MSANTD7: variants seen among roughly 807,000 people sequenced by gnomAD.
MSANTD7 encodes zinc finger and SCAN domain containing 29.
chr10:14,843,949 C>T, the MSANTD7 span: 1 of 1,522,250 alleles, frequency 6.6e-7, no homozygotes, highest in Non-Finnish European at 8.8e-7. Context: ...AGTTCCCAAA[C>T]CTGCCTTCTG....
At chr10:14,840,061 A>AT in the MSANTD7 span, 2,955 of 1,150,434 alleles carry the variant, frequency 2.6e-3, no homozygotes, top group Non-Finnish European at 2.9e-3. Flanking sequence ...TATATATATT[A>AT]TTTTTTTTTT....
At chr10:14,842,378 C>T in the MSANTD7 span, 5 of 1,536,150 alleles carry the variant, frequency 3.3e-6, no homozygotes, top group Non-Finnish European at 4.4e-6. The surrounding 1 kb of genome is among the most constrained non-coding windows in gnomAD (Gnocchi z 5.2). Context: ...GTATATTCAG[C>T]GCCTCCAGAC....
the MSANTD7 span, among the ~76,000 whole-genome samples, chr10:14,841,694 AT>A: frequency 6.6e-6 from 1 of 152,214 alleles, no homozygotes; most frequent in Non-Finnish European, 1.5e-5. Flanking sequence ...AAAAATTTGT[AT>A]TAGCAGAGCA....
At chr10:14,838,424 C>G in the MSANTD7 span, 2 of 1,606,542 alleles carry the variant, frequency 1.2e-6, no homozygotes, top group South Asian at 2.2e-5. Flanking sequence ...CGGAGTTCAC[C>G]TGGGCTGCAC....
chr10:14,844,097 G>A, the MSANTD7 span: 18 of 1,399,694 alleles, frequency 1.3e-5, no homozygotes, highest in East Asian at 2.8e-5. Context: ...TGCCAGGGGT[G>A]ACCTAATAGA....
At chr10:14,840,193 A>G in the MSANTD7 span, 2 of 1,010,806 alleles carry the variant, frequency 2.0e-6, no homozygotes, top group Non-Finnish European at 2.8e-6. Context: ...ATATGGTAAT[A>G]GGAACATGTT....
the MSANTD7 span, chr10:14,844,504 T>G: frequency 1.0e-6 from 1 of 981,820 alleles, no homozygotes; most frequent in Non-Finnish European, 1.2e-6. Context: ...AAGCACAACC[T>G]GTATTTGTAC....
chr10:14,843,665 A>C, the MSANTD7 span: 1 of 1,548,176 alleles, frequency 6.5e-7, no homozygotes, highest in Non-Finnish European at 8.7e-7. Context: ...GAGTTGGCAG[A>C]AAACAGGCGA....
the MSANTD7 span, chr10:14,845,331 G>T: frequency 2.0e-6 from 2 of 985,258 alleles, no homozygotes; most frequent in South Asian, 9.4e-5. Flanking sequence ...TGGGCATGTT[G>T]GGGGAGGTTT....
the MSANTD7 span, among the ~76,000 whole-genome samples, chr10:14,841,553 C>T: frequency 6.6e-6 from 1 of 152,162 alleles, no homozygotes; most frequent in African/African-American, 2.4e-5. Flanking sequence ...TCGATATAGT[C>T]CAGATACAGA....
the MSANTD7 span, among the ~76,000 whole-genome samples, chr10:14,839,150 C>T: frequency 6.6e-6 from 1 of 152,148 alleles, no homozygotes; most frequent in African/African-American, 2.4e-5. Flanking sequence ...GGACTTGTGG[C>T]CTTTCTCTCA....
the MSANTD7 span, chr10:14,846,412 T>TA: frequency 4.1e-6 from 4 of 985,154 alleles, no homozygotes; most frequent in Non-Finnish European, 4.8e-6. Context: ...ATTCAATGGG[T>TA]AAAGTAACCC....
chr10:14,840,118 C>A, the MSANTD7 span: 1 of 1,466,456 alleles, frequency 6.8e-7, no homozygotes, highest in South Asian at 1.6e-5. Context: ...AGAAATATTT[C>A]AAATACAGTA....
the MSANTD7 span, chr10:14,842,780 A>C: frequency 6.5e-7 from 1 of 1,536,538 alleles, no homozygotes; most frequent in Non-Finnish European, 8.7e-7. This position sits in a 1 kb window ranked among gnomAD's most constrained non-coding sequence, Gnocchi z 5.2. Context: ...TTGTCAGCTA[A>C]GAATCAGTGA....
chr10:14,844,505 G>A, the MSANTD7 span: 1 of 986,256 alleles, frequency 1.0e-6, no homozygotes, highest in Non-Finnish European at 1.2e-6. Flanking sequence ...AGCACAACCT[G>A]TATTTGTACC....
At chr10:14,842,021 C>G in the MSANTD7 span, 1 of 711,114 alleles carries the variant, frequency 1.4e-6, no homozygotes, top group Non-Finnish European at 2.3e-6. The surrounding 1 kb of genome is among the most constrained non-coding windows in gnomAD (Gnocchi z 5.2). Context: ...TGGGCTATCT[C>G]AGTCTTGGCC....
At chr10:14,843,520 GC>G in the MSANTD7 span, 1 of 1,550,600 alleles carries the variant, frequency 6.4e-7, no homozygotes, top group Admixed American at 2.0e-5. Context: ...TCCTGGGGTA[GC>G]CTCCACACCG....
the MSANTD7 span, chr10:14,846,171 A>G: frequency 1.0e-6 from 1 of 984,422 alleles, no homozygotes; most frequent in African/African-American, 1.7e-5. Flanking sequence ...GGATACAGCT[A>G]TATTCATTCT....
the MSANTD7 span, chr10:14,845,480 G>T: frequency 1.0e-6 from 1 of 985,324 alleles, no homozygotes; most frequent in African/African-American, 1.7e-5. Flanking sequence ...AGCCAGGGAT[G>T]GAGGTGTGAG....
Sources: allele counts gnomAD v4.1 joint callset (sites outside exome capture counted in the v4.1 genomes callset), GRCh38; gene constraint gnomAD v4.1.1; non-coding constraint Gnocchi (gnomAD v3.1); transcripts MANE v1.5; gene names NCBI Gene and HGNC (gene_info 2026-07-23, HGNC 2026-07-21).